GRIP1: variants seen among roughly 807,000 people sequenced by gnomAD.
GRIP1 encodes glutamate receptor interacting protein 1, also known as glutamate receptor-interacting protein 1.
GRIP1 carries 45 observed loss-of-function variants against 129.9 expected under a neutral mutation model. The observed-to-expected ratio is 0.35, with a 90% CI of 0.27 to 0.44. The LOEUF (loss-of-function observed/expected upper bound fraction) is 0.44, where lower values mean the gene tolerates loss of function less well. Among genes scored for constraint, GRIP1 ranks in the 20% least tolerant of loss-of-function variants. GRIP1 has a pLI of 1.00. For synonymous variants in GRIP1, 530 were observed against 520.8 expected (o/e 1.02, Z -0.24); for missense variants, 1,196 against 1,396.8 (o/e 0.86, Z 2.29).
At chr12:66,606,835 C>T (rs1465497472) in intron 1 of GRIP1, among the ~76,000 whole-genome samples, 1 of 152,056 alleles carries the variant, frequency 6.6e-6, no homozygotes, top group Non-Finnish European at 1.5e-5. Context: ...GGTACAATTA[C>T]ATAACTTGAA....
intron 1 of GRIP1, among the ~76,000 whole-genome samples, chr12:66,844,718 G>A (rs2137059312): frequency 6.6e-6 from 1 of 152,264 alleles, no homozygotes; most frequent in East Asian, 1.9e-4. Flanking sequence ...TCCATCAATG[G>A]ATGAACTGCC....
chr12:66,792,509 A>C (rs1239661567), intron 1 of GRIP1, among the ~76,000 whole-genome samples: 1 of 152,154 alleles, frequency 6.6e-6, no homozygotes, highest in African/African-American at 2.4e-5. Context: ...GTTCAAGAAC[A>C]GCCTGGGCAA....
intron 1 of GRIP1, among the ~76,000 whole-genome samples, chr12:67,057,840 C>T (rs777159453): frequency 6.6e-6 from 1 of 152,186 alleles, no homozygotes; most frequent in South Asian, 2.1e-4. Flanking sequence ...AGAAACTAAA[C>T]TTATATTGCC....
chr12:66,537,561 A>G (rs1472790006), intron 4 of GRIP1, among the ~76,000 whole-genome samples: 1 of 151,966 alleles, frequency 6.6e-6, no homozygotes, highest in African/African-American at 2.4e-5. Context: ...ACCCACAGAA[A>G]TTAAAAATTA....
At chr12:66,661,250 A>C (rs548744019) in intron 1 of GRIP1, among the ~76,000 whole-genome samples, 1 of 152,222 alleles carries the variant, frequency 6.6e-6, no homozygotes, top group African/African-American at 2.4e-5. Flanking sequence ...CCTATGCTGA[A>C]TATCAACTGG....
intron 24 of GRIP1, among the ~76,000 whole-genome samples, chr12:66,350,957 A>G (rs1374569690): frequency 6.6e-6 from 1 of 152,232 alleles, no homozygotes; most frequent in East Asian, 1.9e-4. Context: ...CTACTTTTAC[A>G]GCCTCAACTG....
intron 1 of GRIP1, among the ~76,000 whole-genome samples, chr12:67,015,361 G>A (rs958905493): frequency 3.3e-5 from 5 of 152,274 alleles, no homozygotes; most frequent in East Asian, 3.9e-4. Flanking sequence ...CAGGAGAAAC[G>A]TGCCTAAGTA....
chr12:66,684,037 T>C (rs1056066010), upstream of GRIP1, among the ~76,000 whole-genome samples: 1 of 152,238 alleles, frequency 6.6e-6, no homozygotes, highest in Non-Finnish European at 1.5e-5. Context: ...TTAACCTTTC[T>C]GTTCTTCATT....
At chr12:66,380,756 C>T (rs142601312) in intron 19 of GRIP1, among the ~76,000 whole-genome samples, 55 of 152,180 alleles carry the variant, frequency 3.6e-4, no homozygotes, top group Non-Finnish European at 6.2e-4. Flanking sequence ...AAGTGGGGCT[C>T]GATTGTAGGT....
chr12:66,564,443 A>C (rs1255182707), intron 2 of GRIP1, among the ~76,000 whole-genome samples: 1 of 152,112 alleles, frequency 6.6e-6, no homozygotes. Context: ...ATGTCCCTAC[A>C]AAAGACATTA....
intron 8 of GRIP1, 94 bp downstream of exon 8, chr12:66,465,181 G>A: frequency 9.9e-7 from 1 of 1,013,784 alleles, no homozygotes. Context: ...CCTGACCTCA[G>A]GTGATTCACC....
intron 22 of GRIP1, among the ~76,000 whole-genome samples, chr12:66,376,069 TA>T (rs2055769715): frequency 6.6e-6 from 1 of 152,250 alleles, no homozygotes; most frequent in African/African-American, 2.4e-5. Flanking sequence ...GAATCATTGC[TA>T]ACATCTTACT....
At chr12:66,781,954 TATG>T (rs1362790247) in intron 1 of GRIP1, among the ~76,000 whole-genome samples, 2 of 152,184 alleles carry the variant, frequency 1.3e-5, no homozygotes, top group Non-Finnish European at 2.9e-5. Context: ...CTACTAACCG[TATG>T]ATGATTTCAT....
chr12:66,879,830 C>T (rs2040444612), intron 1 of GRIP1, among the ~76,000 whole-genome samples: 1 of 151,960 alleles, frequency 6.6e-6, no homozygotes, highest in African/African-American at 2.4e-5. Context: ...AGCTTATGGG[C>T]AATTGAAATA....
At chr12:66,906,084 A>C (rs2040928033) in intron 1 of GRIP1, among the ~76,000 whole-genome samples, 1 of 152,180 alleles carries the variant, frequency 6.6e-6, no homozygotes, top group South Asian at 2.1e-4. Context: ...TATTAATAAA[A>C]ATTTTAATTT....
At chr12:66,697,793 C>A (rs2035215740) in intron 1 of GRIP1, among the ~76,000 whole-genome samples, 2 of 152,154 alleles carry the variant, frequency 1.3e-5, no homozygotes, top group Admixed American at 1.3e-4. Context: ...GTGGGTTACT[C>A]TCTTTGTAGG....
intron 1 of GRIP1, among the ~76,000 whole-genome samples, chr12:67,002,201 T>C (rs554853111): frequency 3.2e-4 from 48 of 152,324 alleles, no homozygotes; most frequent in African/African-American, 1.1e-3. Context: ...GCAACTAATT[T>C]TTATTCAAAA....
intron 1 of GRIP1, among the ~76,000 whole-genome samples, chr12:66,918,252 A>C (rs561941928): frequency 6.3e-4 from 96 of 152,254 alleles, no homozygotes; most frequent in African/African-American, 2.2e-3. Flanking sequence ...AAGGTAGAAA[A>C]AAAAAGGTGA....
intron 1 of GRIP1, among the ~76,000 whole-genome samples, chr12:66,914,947 T>C (rs1189381374): frequency 6.6e-6 from 1 of 151,990 alleles, no homozygotes; most frequent in Non-Finnish European, 1.5e-5. Context: ...CAACACAGAG[T>C]GACCCCGCCT....
Sources: allele counts gnomAD v4.1 joint callset (sites outside exome capture counted in the v4.1 genomes callset), GRCh38; gene constraint gnomAD v4.1.1; transcripts MANE v1.5; gene names NCBI Gene and HGNC (gene_info 2026-07-23, HGNC 2026-07-21).